Variants in TRPM1 observed in about 807,000 individuals in gnomAD.
TRPM1 encodes the protein TRPM1-203 APA Isoform, Intron 10.
TRPM1 carries 113 observed loss-of-function variants against 149.4 expected under a neutral mutation model. That is an observed-to-expected ratio of 0.76 (90% confidence interval 0.65 to 0.88). TRPM1 has a LOEUF of 0.88. TRPM1 is among the 40% of genes least tolerant of loss of function. TRPM1 has a pLI of 0.00. For synonymous variants in TRPM1, 741 were observed against 759.5 expected (o/e 0.98, Z 0.40); for missense variants, 1,976 against 2,038.7 (o/e 0.97, Z 0.59).
intron 16 of TRPM1, among the ~76,000 whole-genome samples, chr15:31,043,187 A>G (rs558894043): frequency 6.6e-6 from 1 of 151,992 alleles, no homozygotes; most frequent in East Asian, 1.9e-4. Flanking sequence ...TACTGACCCA[A>G]TTTGTTTTGT....
At chr15:31,066,325 A>G in intron 6 of TRPM1, 78 bp from the exon 7 acceptor site, 2 of 1,504,016 alleles carry the variant, frequency 1.3e-6, no homozygotes, top group Non-Finnish European at 1.8e-6. Flanking sequence ...CACAATACAT[A>G]TGTGTGGAGT....
chr15:31,137,719 T>G (rs2036107854), intron 1 of TRPM1, among the ~76,000 whole-genome samples: 1 of 152,208 alleles, frequency 6.6e-6, no homozygotes, highest in East Asian at 1.9e-4. Flanking sequence ...CTATTTTGCC[T>G]AAATATTCAC....
Position 31,076,971 on chromosome 15 carries a change from C to G in TRPM1, c.17G>C (p.Trp6Ser). Residue 6 changes from tryptophan to serine, a missense_variant, in exon 3 of 28, where the codon TGG becomes TCG. This residue lies in a region of TRPM1 where 1,332 missense variants were observed against 1,347.1 expected (regional missense o/e 0.99). Coordinates refer to ENST00000256552, the MANE Select transcript of TRPM1 (RefSeq NM_001252024.2). The stretch of plus-strand genomic sequence containing the variant: ...CCGTTTGCAAAAGGTTTTCTCTATC[C>G]AAGATTTCTGACCCTGGAAGAGAGA... MGQKSWIEKTFCKREC... is the reference protein window; with the variant it reads MGQKSSIEKTFCKREC... The G allele has an allele frequency of 6.2e-7, 1 of 1,611,766 alleles. No individual in the cohort carries two copies. The highest frequency in any genetic ancestry group is 8.5e-7 in the Non-Finnish European group (1 of 1,177,976).
intron 3 of TRPM1, among the ~76,000 whole-genome samples, chr15:31,073,004 G>A (rs2034600268): frequency 6.6e-6 from 1 of 152,072 alleles, no homozygotes; most frequent in African/African-American, 2.4e-5. Context: ...TTGAAGCACA[G>A]TGTTTAATTT....
At chr15:31,156,767 T>C (rs2036383070) in intron 1 of TRPM1, among the ~76,000 whole-genome samples, 2 of 152,206 alleles carry the variant, frequency 1.3e-5, no homozygotes, top group African/African-American at 2.4e-5. Flanking sequence ...GCCATGATCA[T>C]TCATATTTGG....
rs188830923 is a variant in TRPM1, at chr15:31,007,484, T to G, written c.3630-4414A>C. ...AATTGTTTTACATAGTCTAGTTCCT[T>G]GGCCTTTCCATTTAATTTTCAAAAT... On this transcript the variant is annotated intron_variant, in intron 27 of 27. Coordinates refer to ENST00000256552, the MANE Select transcript of TRPM1 (RefSeq NM_001252024.2). Among the ~76,000 whole-genome samples, 20 of 152,280 alleles carry G rather than the reference T, an allele frequency of 1.3e-4. No homozygotes were observed. The East Asian group carries it at 3.5e-3, about 26-fold the overall frequency.
At chr15:31,127,864 G>A (rs34231231) in intron 1 of TRPM1, among the ~76,000 whole-genome samples, 45,855 of 152,066 alleles carry the variant, frequency 0.3, 7,129 homozygotes, top group Middle Eastern at 0.34. Flanking sequence ...AACCAGTGGG[G>A]TTTAAGTGTT....
At chr15:31,049,560 G>C in intron 12 of TRPM1, 51 bp from the exon 13 acceptor site, 1 of 1,609,820 alleles carries the variant, frequency 6.2e-7, no homozygotes, top group South Asian at 1.1e-5. Flanking sequence ...AGAGACACAG[G>C]GGAGGGGGGC....
intron 6 of TRPM1, 26 bp from the exon 7 acceptor site, chr15:31,066,273 G>C (rs762639845): frequency 6.2e-7 from 1 of 1,614,028 alleles, no homozygotes; most frequent in Non-Finnish European, 8.5e-7. Flanking sequence ...GCGCAAATCA[G>C]ACCTGCAGGA....
At chr15:31,032,550 A>G in intron 22 of TRPM1, 139 bp downstream of exon 22, 2 of 995,784 alleles carry the variant, frequency 2.0e-6, no homozygotes, top group South Asian at 1.3e-5. Flanking sequence ...TGTATCTTAA[A>G]GCAAAGAATA....
At chr15:31,020,436 T>G (rs1004046621) in intron 27 of TRPM1, among the ~76,000 whole-genome samples, 1 of 152,266 alleles carries the variant, frequency 6.6e-6, no homozygotes, top group African/African-American at 2.4e-5. Flanking sequence ...GTTGTCTTTC[T>G]GTATCCCTGC....
At chr15:31,039,098 T>C (rs552618262) in intron 18 of TRPM1, among the ~76,000 whole-genome samples, 3 of 152,142 alleles carry the variant, frequency 2.0e-5, no homozygotes, top group Non-Finnish European at 4.4e-5. Flanking sequence ...CAGATATTCT[T>C]TTCTCATGCT....
chr15:31,063,353 T>G, intron 7 of TRPM1, 61 bp from the exon 8 acceptor site: 1 of 1,607,392 alleles, frequency 6.2e-7, no homozygotes. Flanking sequence ...CCCAGTCGTT[T>G]TAACTCCTGA....
rs1372822751 is a variant in TRPM1, at chr15:31,027,310, GTATTCA to G, written c.3294-199_3294-194del. Among the ~76,000 whole-genome samples the G allele has an allele frequency of 9.2e-5, 14 of 152,258 alleles. No homozygotes were observed. The South Asian group carries it at 2.9e-3, about 32-fold the overall frequency. On this transcript the variant is annotated intron_variant, in intron 25 of 27. Transcript: ENST00000256552. ...TGGATTATCTGTGCTTAAGGACATT[GTATTCA>G]TAAATAGCTAAGTGTAATAAATTGC...
chr15:31,073,262 A>G (rs2034605962), intron 3 of TRPM1, among the ~76,000 whole-genome samples: 1 of 152,136 alleles, frequency 6.6e-6, no homozygotes, highest in South Asian at 2.1e-4. Flanking sequence ...AGAGACGACT[A>G]CTATTTCGCC....
At chr15:31,125,538 G>T (rs943158418) in intron 1 of TRPM1, among the ~76,000 whole-genome samples, 6 of 150,370 alleles carry the variant, frequency 4.0e-5, no homozygotes, top group Non-Finnish European at 7.4e-5. Context: ...AGACCATCCC[G>T]GCTAAAACGG....
At chr15:31,024,007 T>C (rs7182271) in intron 27 of TRPM1, among the ~76,000 whole-genome samples, 3,391 of 152,230 alleles carry the variant, frequency 0.022, 118 homozygotes, top group African/African-American at 0.076. Context: ...AGGAGAATGA[T>C]TAATGGGTAC....
At chr15:31,061,834 G>C (rs999654768) in intron 9 of TRPM1, among the ~76,000 whole-genome samples, 5 of 151,920 alleles carry the variant, frequency 3.3e-5, no homozygotes, top group Non-Finnish European at 5.9e-5. Context: ...ACAGGTGCAC[G>C]CCACCATGCC....
At chr15:31,045,273 C>A (rs1359969159) in intron 16 of TRPM1, among the ~76,000 whole-genome samples, 3 of 152,156 alleles carry the variant, frequency 2.0e-5, no homozygotes, top group African/African-American at 7.2e-5. Context: ...AAGAGTCAAT[C>A]CTAATATTCC....
Sources: gnomAD v4.1 joint callset for allele counts (sites outside exome capture counted in the v4.1 genomes callset) on GRCh38, gnomAD v4.1.1 for gene constraint, gnomAD v4.1.1 regional missense constraint, MANE v1.5 for transcripts, NCBI Gene and HGNC (gene_info 2026-07-23, HGNC 2026-07-21) for gene names.